DLL3: variants seen among roughly 807,000 people sequenced by gnomAD.
The protein encoded by DLL3 is delta like canonical Notch ligand 3.
In DLL3, 49 loss-of-function variants were observed where a neutral mutation model predicts 55.0. That is an observed-to-expected ratio of 0.89 (90% CI 0.71 to 1.13). DLL3 has a LOEUF of 1.13. DLL3 is among the 50% of genes most tolerant of loss of function. The pLI, the probability that DLL3 is intolerant of heterozygous loss-of-function variation, is 0.00. For missense variants in DLL3, 962 were observed against 875.5 expected, an observed-to-expected ratio of 1.10 and a Z score of -1.25; for synonymous variants, 421 against 385.2, an observed-to-expected ratio of 1.09 and a Z score of -1.09.
intron 2 of DLL3, among the ~76,000 whole-genome samples, chr19:39,499,854 CTTT>C (rs1323996801): frequency 3.6e-5 from 3 of 82,466 alleles, no homozygotes; most frequent in Non-Finnish European, 6.8e-5. Flanking sequence ...TCTTCTCTCT[CTTT>C]TTTTTTTTTT....
chr19:39,503,717 GT>G (rs1343200709), intron 4 of DLL3, among the ~76,000 whole-genome samples: 1 of 152,092 alleles, frequency 6.6e-6, no homozygotes, highest in Non-Finnish European at 1.5e-5. Context: ...AAGGCCAGGG[GT>G]CCCCCCACCA....
Position 39,505,417 on chromosome 19 carries a change from G to C in DLL3, c.1059G>C (p.Arg353Ser). Residue 353 changes from arginine (R) to serine (S), a missense_variant, in exon 6 of 9, where the codon AGG (arginine) becomes AGC (serine). By Grantham distance (110) the Arg-to-Ser change is moderately radical. Coordinates refer to ENST00000356433, the MANE Select transcript of DLL3 (RefSeq NM_203486.3). ...PGFQGSNCEK[R>S]VDRCSLQPCR... ...TCCAAGGCTCCAACTGTGAGAAGAG[G>C]GTGGACCGGTGCAGCCTGCAGCCAT... is the stretch of plus-strand genomic sequence containing the variant. 1 of 1,614,072 alleles carries C rather than the reference G, an allele frequency of 6.2e-7. No homozygotes were observed. The highest frequency in any genetic ancestry group is 8.5e-7 in the Non-Finnish European group (1 of 1,180,016).
In DLL3 at chr19:39,503,064, C is replaced by A. The variant is rs1377066505; in HGVS notation, c.652+7C>A. The A allele has an allele frequency of 2.0e-6, 3 of 1,522,680 alleles. No individual in the cohort carries two copies. Among genetic ancestry groups the A allele is most frequent in the African/African-American group, 2.8e-5 (2 of 71,832 alleles). The allele number at this position is 1,522,680 out of a possible 1,614,324, so 94.3% of individuals were successfully genotyped here. ...GACGAATGTGAGGCGCCGCGTGAGT[C>A]CTGCGTTCGACCCCACCCCGTCCCA... is the stretch of plus-strand genomic sequence containing the variant. On this transcript the variant is annotated splice_region_variant and intron_variant, in intron 4 of 8. Coordinates refer to ENST00000356433, the MANE Select transcript of DLL3 (RefSeq NM_203486.3).
chr19:39,502,940 G>A lies in DLL3; in HGVS notation c.535G>A (p.Glu179Lys). Residue 179 changes from glutamate (E) to lysine (K), a missense_variant, in exon 4 of 9, where the codon GAG becomes AAG. Transcript: ENST00000356433. ...ELRFSYRARC[E>K]PPAVGTACTR... ...GCGCTTCTCGTACCGCGCGCGCTGC[G>A]AGCCGCCTGCCGTCGGGACCGCGTG... is the stretch of plus-strand genomic sequence containing the variant. 2.1e-6 allele frequency: 3 copies of A among 1,442,026 alleles called. No individual in the cohort carries two copies. Among genetic ancestry groups the A allele is most frequent in the Non-Finnish European group, 1.8e-6 (2 of 1,103,662 alleles). 89.3% of individuals were successfully genotyped at this position (1,442,026 alleles called of 1,614,324 possible).
At position 39,499,197 on chromosome 19, in the gene DLL3, G is replaced by T; in HGVS notation, c.75G>T (p.Arg25=). The T allele has an allele frequency of 6.3e-7, 1 of 1,576,322 alleles. No individual in the cohort carries two copies. The part of the protein sequence containing the change: ...ILALIFLPQT[R]PAGVFELQIH... ...TGCGCCCGTCTCCGTCCCAGACACG[G>T]CCCGCTGGCGTCTTCGAGCTGCAGA... The change falls in exon 2 of 9, where the codon CGG becomes CGT. Residue 25 remains arginine, a synonymous_variant. Transcript: ENST00000356433.
chr19:39,507,424 GCCT>G lies in DLL3; in HGVS notation c.1482_1484del (p.Pro495del). ...CCGGGGACCCTCAGCGCTACCTTTT[GCCT>G]CCGGCTCTGGGACTGCTCGTGGCCG... On this transcript the variant is annotated inframe_deletion, in exon 7 of 9. Coordinates refer to ENST00000356433, the MANE Select transcript of DLL3 (RefSeq NM_203486.3). 1 of 1,592,306 alleles carries G rather than the reference GCCT, an allele frequency of 6.3e-7. No homozygotes were observed. The highest frequency in any genetic ancestry group is 1.3e-5 in the African/African-American group (1 of 74,612).
rs762606145 is a variant in DLL3 at position 39,500,686 on chromosome 19, G to A, written c.409+14G>A. Reference sequence around the variant, plus strand: ...ACCAGATTGGAGGTGAGTGTCTTCAGTCTTGGGACTGGTGGGGAGCTGGGG... The same window carrying A: ...ACCAGATTGGAGGTGAGTGTCTTCAATCTTGGGACTGGTGGGGAGCTGGGG... On this transcript the variant is annotated intron_variant, in intron 3 of 8. Coordinates refer to ENST00000356433, the MANE Select transcript of DLL3 (RefSeq NM_203486.3). 3.5e-5 allele frequency: 57 copies of A among 1,612,406 alleles called. No individual in the cohort carries two copies. The highest frequency in any genetic ancestry group is 1.6e-4 in the Middle Eastern group (1 of 6,076).
chr19:39,508,415 A>G lies in DLL3; in HGVS notation c.*158A>G. ...TGTAAATAATGGTTATTTATATCCT[A>G]TTTTTTCTCACCCCATCTCTCTAGA... On this transcript the variant is annotated 3_prime_UTR_variant, in exon 9 of 9. Coordinates refer to ENST00000356433, the MANE Select transcript of DLL3 (RefSeq NM_203486.3). The G allele has an allele frequency of 2.5e-6, 2 of 803,254 alleles. No homozygotes were observed. Among genetic ancestry groups the G allele is most frequent in the Non-Finnish European group, 4.1e-6 (2 of 482,444 alleles). 49.8% of individuals were successfully genotyped at this position (803,254 alleles called of 1,614,324 possible).
chr19:39,504,257 G>A lies in DLL3; in HGVS notation c.839G>A (p.Gly280Glu). ...GTCCCTGGGCCTGGGCCCTGTGACG[G>A]GAACCCGTGTGCCAATGGAGGCAGC... ...CLVPGPGPCD[G>E]NPCANGGSCS... The change falls in exon 5 of 9, where the codon GGG becomes GAG. Residue 280 changes from glycine (G) to glutamate (E), a missense_variant. Physicochemically the swap from Gly to Glu is moderately conservative, Grantham distance 98 (BLOSUM62 -2). Transcript: ENST00000356433. The A allele has an allele frequency of 1.2e-6, 2 of 1,613,038 alleles. No homozygotes were observed. Among genetic ancestry groups the A allele is most frequent in the African/African-American group, 1.3e-5 (1 of 75,070 alleles).
chr19:39,500,993 T>C (rs967533733), intron 3 of DLL3, among the ~76,000 whole-genome samples: 2 of 145,214 alleles, frequency 1.4e-5, no homozygotes, highest in Non-Finnish European at 3.1e-5. Flanking sequence ...GGTTCTTTTA[T>C]GTGAAGTTTT....
intron 8 of DLL3, 102 bp downstream of exon 8, chr19:39,508,016 TG>T (rs752685181): frequency 1.2e-6 from 2 of 1,612,300 alleles, no homozygotes; most frequent in Non-Finnish European, 1.7e-6. Context: ...TGAAATGAAT[TG>T]GGTAGAGTCT....
Position 39,502,999 on chromosome 19 carries a change from G to GCGGTGCGGTCCGGGACTGCGC in DLL3, c.596_616dup (p.Arg199_Arg205dup). 2.7e-6 allele frequency: 4 copies of GCGGTGCGGTCCGGGACTGCGC among 1,483,992 alleles called. No homozygotes were observed. The highest frequency in any genetic ancestry group is 3.6e-6 in the Non-Finnish European group (4 of 1,125,176). 91.9% of individuals were successfully genotyped at this position (1,483,992 alleles called of 1,614,324 possible). A position where few individuals can be genotyped will look rare whatever the true frequency, so the allele number is the denominator to read the frequency against. Reference sequence around the variant, plus strand: ...TCTGCCGTCCGCGCAGCGCCCCCTCGCGGTGCGGTCCGGGACTGCGCCCCT... The same window carrying GCGGTGCGGTCCGGGACTGCGC: ...TCTGCCGTCCGCGCAGCGCCCCCTCGCGGTGCGGTCCGGGACTGCGCCGGTGCGGTCCGGGACTGCGCCCCT... On this transcript the variant is annotated inframe_insertion, in exon 4 of 9. Coordinates refer to ENST00000356433, the MANE Select transcript of DLL3 (RefSeq NM_203486.3).
Position 39,504,219 on chromosome 19 carries a change from C to T in DLL3, c.801C>T (p.Thr267=), listed in dbSNP as rs374417033. Residue 267 remains threonine (T), a synonymous_variant, in exon 5 of 9, where the codon ACC becomes ACT. Transcript: ENST00000356433. ...GCCCCAGGGGCCCGTCCTCTGCTACCACCGGATGCCTTGTCCCTGGGCCTG... is the reference window on the plus strand; with the variant it reads ...GCCCCAGGGGCCCGTCCTCTGCTACTACCGGATGCCTTGTCCCTGGGCCTG... The part of the protein sequence containing the change: ...CLSPRGPSSA[T]TGCLVPGPGP... 2.5e-6 allele frequency: 4 copies of T among 1,613,000 alleles called. No individual in the cohort carries two copies. The highest frequency in any genetic ancestry group is 3.4e-6 in the Non-Finnish European group (4 of 1,180,032).
chr19:39,498,956 A>G lies in DLL3; in HGVS notation c.-19A>G, dbSNP rs1555753637. On this transcript the variant is annotated 5_prime_UTR_variant, in exon 1 of 9. Coordinates refer to ENST00000356433, the MANE Select transcript of DLL3 (RefSeq NM_203486.3). Reference sequence around the variant, plus strand: ...GAAGCCAGCAGCTGCGACTCCCGAGACCCCCCCACCAGAAGGCCATGGTCT... The same window carrying G: ...GAAGCCAGCAGCTGCGACTCCCGAGGCCCCCCCACCAGAAGGCCATGGTCT... 5.0e-6 allele frequency: 8 copies of G among 1,609,788 alleles called. No individual in the cohort carries two copies. In the Admixed American group the frequency reaches 1.3e-4, roughly 27 times the overall value.
chr19:39,503,128 C>T, intron 4 of DLL3, 71 bp downstream of exon 4: 1 of 1,460,952 alleles, frequency 6.8e-7, no homozygotes, highest in Non-Finnish European at 9.1e-7. Flanking sequence ...CACTCGCGGC[C>T]CCCAGTCCCC....
rs60547750 is a variant in DLL3 at position 39,500,214 on chromosome 19, G to T, written c.352-401G>T. Among the ~76,000 whole-genome samples the T allele has an allele frequency of 3.5e-3, 535 of 151,170 alleles. 2 individuals are homozygous for T. Among genetic ancestry groups the T allele is most frequent in the African/African-American group, 0.012 (500 of 41,202 alleles). ...AGGTCTAGGCAGGAGGATCTCCTGA[G>T]CCCGGCAGTTTGAGACCAGTCTCAG... On this transcript the variant is annotated intron_variant, in intron 2 of 8. Transcript: ENST00000356433.
chr19:39,499,563 C>T, intron 2 of DLL3, 90 bp downstream of exon 2: 1 of 1,495,930 alleles, frequency 6.7e-7, no homozygotes, highest in East Asian at 2.5e-5. Flanking sequence ...CTTCCAAGAC[C>T]CTAATCCTGC....
chr19:39,506,893 G>A, intron 6 of DLL3, 146 bp from the exon 7 acceptor site: 1 of 755,062 alleles, frequency 1.3e-6, no homozygotes, highest in Non-Finnish European at 2.0e-6. Context: ...AAAGCGAGCT[G>A]GCTTTCCTGG....
rs200982994 is a variant in DLL3, at chr19:39,508,295, A to G, written c.*38A>G. The G allele has an allele frequency of 1.1e-4, 185 of 1,612,882 alleles. No individual in the cohort carries two copies. The East Asian group carries it at 3.7e-3, about 32-fold the overall frequency. ...ATCCGCACCTGGAGTCAGAGCGTGG[A>G]TTTTTGTATTTGCTCGGTGGTGCCC... On this transcript the variant is annotated 3_prime_UTR_variant, in exon 9 of 9. Coordinates refer to ENST00000356433, the MANE Select transcript of DLL3 (RefSeq NM_203486.3).
Sources: allele counts gnomAD v4.1 joint callset (sites outside exome capture counted in the v4.1 genomes callset), GRCh38; gene constraint gnomAD v4.1.1; transcripts MANE v1.5; gene names NCBI Gene and HGNC (gene_info 2026-07-23, HGNC 2026-07-21).